Variants in ARHGAP17 observed in about 807,000 individuals in gnomAD.
ARHGAP17 encodes the protein Rho GTPase activating protein 17.
ARHGAP17 carries 57 observed loss-of-function variants against 99.5 expected under a neutral mutation model. The observed-to-expected ratio is 0.57, with a 90% CI of 0.46 to 0.71. The LOEUF (loss-of-function observed/expected upper bound fraction) is 0.71, where lower values mean the gene tolerates loss of function less well. Ranked by LOEUF, ARHGAP17 falls within the 30% of genes least tolerant of loss-of-function variation. The pLI is 0.00. For missense variants in ARHGAP17, 1,000 were observed against 1,122.4 expected (o/e 0.89, Z 1.56); for synonymous variants, 417 against 429.6 (o/e 0.97, Z 0.36).
chr16:24,968,688 G>C lies in ARHGAP17; in HGVS notation c.357C>G (p.Ile119Met). 1 of 1,614,162 alleles carries C rather than the reference G, an allele frequency of 6.2e-7. No homozygotes were observed. The highest frequency in any genetic ancestry group is 1.1e-5 in the South Asian group (1 of 91,084). The change falls in exon 5 of 20, where the codon ATC (isoleucine) becomes ATG (methionine). Residue 119 changes from isoleucine (I) to methionine (M), a missense_variant. Coordinates refer to ENST00000289968, the MANE Select transcript of ARHGAP17 (RefSeq NM_001006634.3). ...SQHEVFVEKE[I>M]VDPLYGIAEV... ...CAGCTATGCCGTACAGAGGGTCCAC[G>C]ATCTCCTTCTCAACAAAGACTTCGT... is the stretch of plus-strand genomic sequence containing the variant.
intron 4 of ARHGAP17, among the ~76,000 whole-genome samples, chr16:24,969,212 C>T (rs1031239020): frequency 1.7e-4 from 26 of 152,214 alleles, no homozygotes; most frequent in African/African-American, 6.3e-4. Flanking sequence ...GGCCCTGTTA[C>T]ATAAATATCA....
At chr16:24,922,386 A>G (rs1023136261) in intron 19 of ARHGAP17, among the ~76,000 whole-genome samples, 1 of 152,198 alleles carries the variant, frequency 6.6e-6, no homozygotes, top group Non-Finnish European at 1.5e-5. Context: ...TTTTTCTTAT[A>G]CATCACATAT....
chr16:24,987,840 T>C (rs979800675), intron 1 of ARHGAP17, among the ~76,000 whole-genome samples: 7 of 152,250 alleles, frequency 4.6e-5, no homozygotes, highest in Admixed American at 6.5e-5. Context: ...TCATTTTCAA[T>C]GCTAGTTACC....
chr16:24,976,066 A>G (rs2052504118), intron 3 of ARHGAP17, among the ~76,000 whole-genome samples: 1 of 152,132 alleles, frequency 6.6e-6, no homozygotes, highest in South Asian at 2.1e-4. Flanking sequence ...ACTTAAACCA[A>G]TCGGCACATC....
At chr16:24,941,844 A>G in intron 16 of ARHGAP17, 143 bp downstream of exon 16, 1 of 1,116,218 alleles carries the variant, frequency 9.0e-7, no homozygotes, top group Non-Finnish European at 1.3e-6. Context: ...GACCTACAGC[A>G]GAATTCCAGA....
At chr16:24,939,858 C>T (rs2087244274) in intron 16 of ARHGAP17, 1 of 520,960 alleles carries the variant, frequency 1.9e-6, no homozygotes, top group Admixed American at 3.3e-5. Flanking sequence ...ATAGGCAGGC[C>T]TCATCTTGAA....
intron 1 of ARHGAP17, among the ~76,000 whole-genome samples, chr16:25,004,178 C>G (rs2053446781): frequency 6.6e-6 from 1 of 152,218 alleles, no homozygotes; most frequent in Non-Finnish European, 1.5e-5. Flanking sequence ...AATCCCACAA[C>G]TTTGGGAGGC....
At chr16:24,954,956 G>C (rs1360171524) in intron 9 of ARHGAP17, 5 of 518,118 alleles carry the variant, frequency 9.7e-6, no homozygotes, top group African/African-American at 7.8e-5. Flanking sequence ...AGCGTACCTA[G>C]ATGGCACCAA....
chr16:24,987,048 A>G (rs1013162350), intron 1 of ARHGAP17, among the ~76,000 whole-genome samples: 4 of 152,238 alleles, frequency 2.6e-5, no homozygotes, highest in Non-Finnish European at 5.9e-5. Context: ...CTCTACTGAT[A>G]AACATATTTC....
chr16:24,947,051 C>T (rs1316439571), intron 14 of ARHGAP17, among the ~76,000 whole-genome samples: 1 of 152,196 alleles, frequency 6.6e-6, no homozygotes, highest in Non-Finnish European at 1.5e-5. Context: ...AATGGCTTCT[C>T]TGCTGGGCAT....
At chr16:24,980,993 CA>C (rs1189367546) in intron 1 of ARHGAP17, among the ~76,000 whole-genome samples, 1 of 152,136 alleles carries the variant, frequency 6.6e-6, no homozygotes, top group African/African-American at 2.4e-5. Flanking sequence ...TGTCCTTTTT[CA>C]GAGCAAATTA....
At chr16:24,961,296 C>T (rs977001803) in intron 7 of ARHGAP17, among the ~76,000 whole-genome samples, 2 of 152,044 alleles carry the variant, frequency 1.3e-5, no homozygotes, top group African/African-American at 2.4e-5. Context: ...AAAGACTTCA[C>T]GGTACACTGT....
chr16:25,008,377 A>G (rs72782531), intron 1 of ARHGAP17, among the ~76,000 whole-genome samples: 9,539 of 152,298 alleles, frequency 0.063, 415 homozygotes, highest in Middle Eastern at 0.14. Context: ...CAATATATGC[A>G]TATTATTACT....
At chr16:24,984,751 C>T (rs1478342506) in intron 1 of ARHGAP17, among the ~76,000 whole-genome samples, 1 of 151,914 alleles carries the variant, frequency 6.6e-6, no homozygotes, top group Non-Finnish European at 1.5e-5. Flanking sequence ...AAACAAAATC[C>T]AATAAAACTA....
intron 1 of ARHGAP17, among the ~76,000 whole-genome samples, chr16:25,011,735 C>T (rs1479735479): frequency 6.6e-6 from 1 of 151,908 alleles, no homozygotes; most frequent in Non-Finnish European, 1.5e-5. Flanking sequence ...CCAGAAGAAG[C>T]CAAATCTGCA....
In ARHGAP17 at chr16:24,977,229, C is replaced by G. The variant is rs2052546263; in HGVS notation, c.184G>C (p.Ala62Pro). 1 of 1,582,976 alleles carries G rather than the reference C, an allele frequency of 6.3e-7. No homozygotes were observed. The highest frequency in any genetic ancestry group is 1.3e-5 in the African/African-American group (1 of 74,666). Residue 62 changes from alanine to proline, a missense_variant, in exon 3 of 20, where the codon GCC becomes CCC. This residue lies in a region of ARHGAP17 where 472 missense variants were observed against 611.1 expected (regional missense o/e 0.77). Coordinates refer to ENST00000289968, the MANE Select transcript of ARHGAP17 (RefSeq NM_001006634.3). ...ACFQGQHGTD[A>P]ERRHKKLPLT... ...CTGATACTCACGTGTCTCCTCTCGG[C>G]ATCGGTGCCATGCTGGCCCTGGAAA...
chr16:24,954,176 C>T (rs1436767559), intron 10 of ARHGAP17, among the ~76,000 whole-genome samples: 1 of 152,012 alleles, frequency 6.6e-6, no homozygotes, highest in Non-Finnish European at 1.5e-5. Flanking sequence ...GGGTAAGAAT[C>T]CTGTAAAATT....
At chr16:25,003,495 T>C (rs889707917) in intron 1 of ARHGAP17, among the ~76,000 whole-genome samples, 3 of 152,112 alleles carry the variant, frequency 2.0e-5, no homozygotes, top group Non-Finnish European at 4.4e-5. Flanking sequence ...AGTATAGCCA[T>C]GAGCCACCAT....
Position 24,943,798 on chromosome 16 carries a change from G to C in ARHGAP17, c.1306C>G (p.Gln436Glu), listed in dbSNP as rs1241042803. ...HVVAVIEPII[Q>E]HADWFFPEEV... ...TCAGGGAAGAACCAGTCGGCATGCT[G>C]AATGATGGGTTCAATCACTGCAACC... Residue 436 changes from glutamine (Q) to glutamate (E), a missense_variant, in exon 15 of 20, where the codon CAG (glutamine) becomes GAG (glutamate). Physicochemically the swap from Gln to Glu is conservative, Grantham distance 29. Transcript: ENST00000289968. 1 of 1,614,072 alleles carries C rather than the reference G, an allele frequency of 6.2e-7. No individual in the cohort carries two copies. Among genetic ancestry groups the C allele is most frequent in the Non-Finnish European group, 8.5e-7 (1 of 1,180,034 alleles).
Sources: gnomAD v4.1 joint callset for allele counts (sites outside exome capture counted in the v4.1 genomes callset) on GRCh38, gnomAD v4.1.1 for gene constraint, gnomAD v4.1.1 regional missense constraint, MANE v1.5 for transcripts, NCBI Gene and HGNC (gene_info 2026-07-23, HGNC 2026-07-21) for gene names.